The following ACTR3C variants were observed in gnomAD, a reference collection of about 807,000 sequenced individuals.
The protein encoded by ACTR3C is actin-related protein 3C.
A neutral mutation model predicts 26.3 loss-of-function variants in ACTR3C; 18 were observed. The ratio of observed to expected loss-of-function variants is 0.68; its 90% CI spans 0.47 to 1.01. The LOEUF (loss-of-function observed/expected upper bound fraction) is 1.01, where lower values mean the gene tolerates loss of function less well. Ranked by LOEUF, ACTR3C falls within the 50% of genes least tolerant of loss-of-function variation. The probability of loss-of-function intolerance (pLI) is 0.00; values close to 1 mark genes in which losing one functional copy is unlikely to be tolerated. For missense variants in ACTR3C, 184 were observed against 250.7 expected, an observed-to-expected ratio of 0.73 and a Z score of 1.80; for synonymous variants, 55 against 94.5, an observed-to-expected ratio of 0.58 and a Z score of 2.42.
At chr7:150,261,132 GTAA>G (rs1027710856) in intron 6 of ACTR3C, among the ~76,000 whole-genome samples, 1 of 152,200 alleles carries the variant, frequency 6.6e-6, no homozygotes, top group African/African-American at 2.4e-5. Context: ...CATGCTGAGA[GTAA>G]ACTTTTCAAG....
intron 6 of ACTR3C, 156 bp downstream of exon 6, chr7:150,284,597 A>G: frequency 1.6e-6 from 1 of 636,612 alleles, no homozygotes; most frequent in Non-Finnish European, 2.3e-6. Flanking sequence ...TCATATTTCC[A>G]TTTTCTCTTA....
chr7:149,901,873 T>C, the ACTR3C span, among the ~76,000 whole-genome samples: 1 of 121,486 alleles, frequency 8.2e-6, no homozygotes, highest in Non-Finnish European at 1.6e-5. Flanking sequence ...ATCGTGCCAC[T>C]GTACTCCAGC....
At chr7:150,251,142 C>T (rs1352294332) in intron 6 of ACTR3C, among the ~76,000 whole-genome samples, 1 of 152,146 alleles carries the variant, frequency 6.6e-6, no homozygotes, top group African/African-American at 2.4e-5. Context: ...GTGACCTGTC[C>T]ACCATGACCA....
At chr7:150,037,772 C>CG in the ACTR3C span, among the ~76,000 whole-genome samples, 2 of 48,044 alleles carry the variant, frequency 4.2e-5, no homozygotes, top group Non-Finnish European at 1.1e-4. Context: ...GGGGTGCCTC[C>CG]CCCTCCTGCG....
intron 2 of ACTR3C, among the ~76,000 whole-genome samples, chr7:150,293,806 C>T (rs764892123): frequency 1.1e-4 from 16 of 152,138 alleles, no homozygotes; most frequent in South Asian, 2.1e-4. Flanking sequence ...CGTGGTGACA[C>T]GCACCTGTAC....
chr7:150,314,237 T>C (rs1346008040), intron 1 of ACTR3C, among the ~76,000 whole-genome samples: 1 of 152,172 alleles, frequency 6.6e-6, no homozygotes, highest in African/African-American at 2.4e-5. Context: ...ATGTGACCAG[T>C]TTTGTAGAAC....
the ACTR3C span, among the ~76,000 whole-genome samples, chr7:149,944,947 T>A: frequency 6.6e-6 from 1 of 151,818 alleles, no homozygotes; most frequent in South Asian, 2.1e-4. Context: ...GGCCATGCAA[T>A]GTGTCGTGTG....
chr7:150,223,076 A>G, the ACTR3C span, among the ~76,000 whole-genome samples: 3 of 152,198 alleles, frequency 2.0e-5, no homozygotes, highest in Non-Finnish European at 4.4e-5. Context: ...ATCACCCCCC[A>G]AAGGATGTTT....
the ACTR3C span, among the ~76,000 whole-genome samples, chr7:150,111,628 T>C: frequency 9.4e-6 from 1 of 106,294 alleles, no homozygotes; most frequent in Non-Finnish European, 1.9e-5. Context: ...CCACTCACAG[T>C]CACACCCTCT....
chr7:149,931,694 A>C, the ACTR3C span, among the ~76,000 whole-genome samples: 138,193 of 151,670 alleles, frequency 0.91, 63,680 homozygotes, highest in Non-Finnish European at 0.99. Context: ...GCCACATCCC[A>C]GTGAGGAAGC....
the ACTR3C span, among the ~76,000 whole-genome samples, chr7:149,962,183 G>T: frequency 6.6e-6 from 1 of 152,198 alleles, no homozygotes; most frequent in East Asian, 1.9e-4. Context: ...CTCACAAGAA[G>T]TGTGAGCTCA....
the ACTR3C span, among the ~76,000 whole-genome samples, chr7:150,031,300 C>G: frequency 6.1e-4 from 92 of 151,194 alleles, no homozygotes; most frequent in Non-Finnish European, 1.0e-4. Flanking sequence ...AAATCTGAAC[C>G]TAGCCGTGGC....
the ACTR3C span, among the ~76,000 whole-genome samples, chr7:149,907,831 A>C: frequency 1.3e-5 from 2 of 152,158 alleles, no homozygotes; most frequent in East Asian, 3.9e-4. Context: ...TGCTTTGAAA[A>C]GTCAGGGAGT....
chr7:150,238,963 C>T (rs1832025083), downstream of ACTR3C, among the ~76,000 whole-genome samples: 1 of 151,106 alleles, frequency 6.6e-6, no homozygotes, highest in South Asian at 2.1e-4. Flanking sequence ...TTGTCTAGGT[C>T]TTACTATATT....
the ACTR3C span, chr7:150,002,954 C>T: frequency 1.3e-5 from 2 of 152,330 alleles, no homozygotes; most frequent in African/African-American, 4.8e-5. Context: ...ACCCACACCA[C>T]ACGTGCCACA....
At chr7:150,241,322 T>G (rs1037177920), downstream of ACTR3C, among the ~76,000 whole-genome samples, 6 of 152,116 alleles carry the variant, frequency 3.9e-5, no homozygotes, top group African/African-American at 1.4e-4. Flanking sequence ...ATGGGGTAAA[T>G]TTGACTCACA....
chr7:150,135,969 G>A, the ACTR3C span, among the ~76,000 whole-genome samples: 26,857 of 151,792 alleles, frequency 0.18, 3,988 homozygotes, highest in African/African-American at 0.41. Context: ...ACAGATTCTT[G>A]CCAGGCATCT....
chr7:149,960,308 C>T, the ACTR3C span, among the ~76,000 whole-genome samples: 2 of 151,910 alleles, frequency 1.3e-5, no homozygotes, highest in African/African-American at 2.4e-5. Context: ...TTAGGAGTTT[C>T]GCAAGTGATG....
At chr7:150,232,320 T>C in the ACTR3C span, among the ~76,000 whole-genome samples, 1 of 152,216 alleles carries the variant, frequency 6.6e-6, no homozygotes, top group Non-Finnish European at 1.5e-5. Context: ...TATGAACACC[T>C]TTGTCTTCAA....
Sources: gnomAD v4.1 joint callset for allele counts (sites outside exome capture counted in the v4.1 genomes callset) on GRCh38, gnomAD v4.1.1 for gene constraint, MANE v1.5 for transcripts, NCBI Gene and HGNC (gene_info 2026-07-23, HGNC 2026-07-21) for gene names.